RGS22: variants seen among roughly 807,000 people sequenced by gnomAD.
The protein encoded by RGS22 is regulator of G protein signaling 22.
Under a neutral mutation model 172.9 loss-of-function variants are expected in RGS22, and 148 were observed. The ratio of observed to expected loss-of-function variants is 0.86; its 90% confidence interval spans 0.75 to 0.98. The LOEUF is 0.98. RGS22 is among the 50% of genes least tolerant of loss of function. The pLI, the probability that RGS22 is intolerant of heterozygous loss-of-function variation, is 0.00. For missense variants in RGS22, 1,347 were observed against 1,440.8 expected, an observed-to-expected ratio of 0.93 and a Z score of 1.05; for synonymous variants, 458 against 480.2, an observed-to-expected ratio of 0.95 and a Z score of 0.60.
chr8:100,026,654 G>A (rs879416707), intron 14 of RGS22, among the ~76,000 whole-genome samples: 6 of 152,154 alleles, frequency 3.9e-5, no homozygotes, highest in Non-Finnish European at 7.4e-5. Context: ...GAGATGTCAG[G>A]AACAGGACTT....
chr8:100,051,937 TTATATATTTATATATAAATGTTTA>T lies in RGS22; in HGVS notation c.1689+841_1689+864del, dbSNP rs1563672135. ...TTTATATATAAATGTTTATATATAT[TTATATATTTATATATAAATGTTTA>T]TATATATTTATATATAAATGTTTAT... is the stretch of plus-strand genomic sequence containing the variant. On this transcript the variant is annotated intron_variant, in intron 10 of 27. Transcript: ENST00000360863. Among the ~76,000 whole-genome samples, 228 of 47,516 alleles carry T rather than the reference TTATATATTTATATATAAATGTTTA, an allele frequency of 4.8e-3. 37 individuals carry two copies. Among genetic ancestry groups the T allele is most frequent in the African/African-American group, 0.018 (194 of 11,048 alleles). The allele number at this position is 47,516 out of a possible 152,430, so 31.2% of individuals were successfully genotyped here.
intron 24 of RGS22, among the ~76,000 whole-genome samples, 158 bp downstream of exon 24, chr8:99,965,177 A>G (rs1235889235): frequency 1.3e-5 from 2 of 152,174 alleles, no homozygotes; most frequent in African/African-American, 2.4e-5. Flanking sequence ...ATTTTAATGA[A>G]GGCTCAAAGA....
At chr8:100,078,562 C>T (rs1811525095) in intron 4 of RGS22, among the ~76,000 whole-genome samples, 1 of 151,832 alleles carries the variant, frequency 6.6e-6, no homozygotes, top group Non-Finnish European at 1.5e-5. Flanking sequence ...TCCTCATTTT[C>T]TGTCTGCTTT....
intron 10 of RGS22, among the ~76,000 whole-genome samples, chr8:100,047,948 G>A (rs976329203): frequency 9.6e-5 from 11 of 114,124 alleles, no homozygotes; most frequent in African/African-American, 3.9e-4. Flanking sequence ...GTGTGGCGAG[G>A]GCTGTGTGTG....
In RGS22 at chr8:100,039,175, C is replaced by T. The variant is rs1819833677; in HGVS notation, c.2065-143G>A. 1.1e-5 allele frequency: 5 copies of T among 460,878 alleles called. No individual in the cohort carries two copies. The Admixed American group carries it at 1.9e-4, about 18-fold the overall frequency. The allele number at this position is 460,878 out of a possible 1,614,324, so 28.5% of individuals were successfully genotyped here. ...ATTTAAGATGGTTTTAATCTTCTAT[C>T]ACAAACTGGCAATACACAAAATATT... On this transcript the variant is annotated intron_variant, in intron 13 of 27. Coordinates refer to ENST00000360863, the MANE Select transcript of RGS22 (RefSeq NM_015668.5).
At chr8:99,992,933 A>G (rs1028574745) in intron 20 of RGS22, among the ~76,000 whole-genome samples, 1 of 152,246 alleles carries the variant, frequency 6.6e-6, no homozygotes, top group African/African-American at 2.4e-5. Context: ...ACCACAGTGC[A>G]ATCAAATTAG....
At chr8:100,100,314 T>G (rs1259473433) in intron 2 of RGS22, among the ~76,000 whole-genome samples, 12 of 145,928 alleles carry the variant, frequency 8.2e-5, no homozygotes, top group African/African-American at 3.1e-4. Context: ...TTTTGAGACG[T>G]AGTCTCATTC....
Position 100,083,911 on chromosome 8 carries a change from G to A in RGS22, c.118-3556C>T, listed in dbSNP as rs185315416. Among the ~76,000 whole-genome samples, 1,098 of 149,760 alleles carry A rather than the reference G, an allele frequency of 7.3e-3. 14 individuals carry two copies. Among genetic ancestry groups the A allele is most frequent in the African/African-American group, 0.025 (997 of 40,566 alleles). ...GCCAGGCTGGATGGAGTGCAGTGGC[G>A]CGATCTTGGCTCACTGCAACCTCCG... On this transcript the variant is annotated intron_variant, in intron 3 of 27. Transcript: ENST00000360863.
chr8:100,013,770 C>T (rs3133679), intron 14 of RGS22, among the ~76,000 whole-genome samples: 92,600 of 151,924 alleles, frequency 0.61, 28,390 homozygotes, highest in Admixed American at 0.66. Flanking sequence ...AGGTTATTCT[C>T]GTCCTCTAAA....
chr8:99,995,174 C>T (rs1588930881), intron 20 of RGS22, among the ~76,000 whole-genome samples: 1 of 152,144 alleles, frequency 6.6e-6, no homozygotes, highest in Non-Finnish European at 1.5e-5. Context: ...TAGAAGAAAA[C>T]CTAGGCAATA....
intron 14 of RGS22, among the ~76,000 whole-genome samples, chr8:100,035,288 G>C (rs1159194831): frequency 6.6e-6 from 1 of 152,192 alleles, no homozygotes; most frequent in Non-Finnish European, 1.5e-5. Flanking sequence ...CCATCAAAAA[G>C]TGGGTAAAGA....
At chr8:100,038,653 A>G (rs139333125) in intron 14 of RGS22, 81 of 255,100 alleles carry the variant, frequency 3.2e-4, no homozygotes, top group African/African-American at 1.7e-3. Context: ...AAAAAGGTAT[A>G]CATTAGAAAA....
intron 14 of RGS22, among the ~76,000 whole-genome samples, chr8:100,016,726 A>G (rs1440199378): frequency 2.0e-5 from 3 of 151,972 alleles, no homozygotes; most frequent in South Asian, 2.1e-4. Context: ...GCAGTGAGCC[A>G]AGATTGGGCC....
chr8:100,056,837 T>G (rs1325183046), intron 9 of RGS22, among the ~76,000 whole-genome samples: 1 of 152,154 alleles, frequency 6.6e-6, no homozygotes, highest in East Asian at 1.9e-4. Context: ...AATGTGGTGT[T>G]GGAGCCCCCA....
intron 3 of RGS22, among the ~76,000 whole-genome samples, chr8:100,083,765 A>G (rs370279594): frequency 2.6e-4 from 40 of 152,072 alleles, no homozygotes; most frequent in African/African-American, 7.7e-4. Context: ...TGAGCTTACA[A>G]CACAACTCTG....
chr8:100,050,683 A>G (rs1204995074), intron 10 of RGS22, among the ~76,000 whole-genome samples: 4 of 152,188 alleles, frequency 2.6e-5, no homozygotes, highest in African/African-American at 9.7e-5. Flanking sequence ...CTGCAGCTCT[A>G]TGCCAAAATG....
Position 99,977,920 on chromosome 8 carries a change from T to C in RGS22, c.3516A>G (p.Gly1172=). 1 of 1,563,494 alleles carries C rather than the reference T, an allele frequency of 6.4e-7. No individual in the cohort carries two copies. The highest frequency in any genetic ancestry group is 8.6e-7 in the Non-Finnish European group (1 of 1,164,076). The part of the protein sequence containing the change: ...KLAVLEDEKS[G]KDGIKQYANT... ...CCCAAAATGAGTCTTGTCTCACCTT[T>C]CCAGATTTTTCGTCTTCTAGGACTG... Residue 1172 remains glycine (G), a synonymous_variant, in exon 23 of 28, where the codon GGA becomes GGG. Coordinates refer to ENST00000360863, the MANE Select transcript of RGS22 (RefSeq NM_015668.5).
At position 100,063,853 on chromosome 8, in the gene RGS22, C is replaced by G; in HGVS notation, c.915G>C (p.Leu305=). The change falls in exon 8 of 28, where the codon CTG becomes CTC. Residue 305 remains leucine, a synonymous_variant. Transcript: ENST00000360863. ...LEKKQDVDES[L]TMHFSTCEEF... ...CTTCACATGTTGAGAAATGCATTGTCAGGCTTTCATCAACATCCTGTTTCT... is the reference window on the plus strand; with the variant it reads ...CTTCACATGTTGAGAAATGCATTGTGAGGCTTTCATCAACATCCTGTTTCT... 6.2e-7 allele frequency: 1 copy of G among 1,611,498 alleles called. No homozygotes were observed. The highest frequency in any genetic ancestry group is 8.5e-7 in the Non-Finnish European group (1 of 1,179,152).
At chr8:100,009,729 A>C (rs6994866) in intron 14 of RGS22, among the ~76,000 whole-genome samples, 89,151 of 152,034 alleles carry the variant, frequency 0.59, 26,293 homozygotes, top group Admixed American at 0.63. Flanking sequence ...AGACAGATAC[A>C]GATATAAATT....
Sources: gnomAD v4.1 joint callset for allele counts (sites outside exome capture counted in the v4.1 genomes callset) on GRCh38, gnomAD v4.1.1 for gene constraint, MANE v1.5 for transcripts, NCBI Gene and HGNC (gene_info 2026-07-23, HGNC 2026-07-21) for gene names.